RBFOX1: variants seen among roughly 807,000 people sequenced by gnomAD.
RBFOX1 encodes RNA binding protein fox-1 homolog 1.
In RBFOX1, 8 loss-of-function variants were observed where a neutral mutation model predicts 57.7. The ratio of observed to expected loss-of-function variants is 0.14; its 90% CI spans 0.08 to 0.25. RBFOX1 has a LOEUF of 0.25. RBFOX1 is among the 10% of genes least tolerant of loss of function. The probability of loss-of-function intolerance (pLI) is 1.00; values close to 1 mark genes in which losing one functional copy is unlikely to be tolerated. For synonymous variants in RBFOX1, 326 were observed against 222.4 expected, an observed-to-expected ratio of 1.47 and a Z score of -4.15; for missense variants, 611 against 548.5, an observed-to-expected ratio of 1.11 and a Z score of -1.14.
chr16:7,262,460 A>G (rs761134365), intron 4 of RBFOX1, among the ~76,000 whole-genome samples: 12 of 152,256 alleles, frequency 7.9e-5, no homozygotes, highest in Admixed American at 2.0e-4. Context: ...ATATATGTCT[A>G]TAGATGTGGA....
intron 2 of RBFOX1, among the ~76,000 whole-genome samples, chr16:6,479,480 C>T (rs1488839823): frequency 2.0e-5 from 3 of 151,862 alleles, no homozygotes; most frequent in African/African-American, 4.8e-5. Flanking sequence ...CCCAGCTACT[C>T]GGGAGGCTGA....
intron 2 of RBFOX1, among the ~76,000 whole-genome samples, chr16:5,545,950 G>T (rs187313974): frequency 8.6e-5 from 13 of 151,512 alleles, no homozygotes; most frequent in Admixed American, 5.9e-4. Context: ...CTTTTTTTTT[G>T]CTGAACAACT....
chr16:5,661,400 T>C (rs2109002), intron 3 of RBFOX1, among the ~76,000 whole-genome samples: 19,991 of 152,234 alleles, frequency 0.13, 1,954 homozygotes, highest in East Asian at 0.46. Flanking sequence ...GTAAGTTGTA[T>C]GTATCCACTG....
intron 3 of RBFOX1, among the ~76,000 whole-genome samples, chr16:6,750,853 C>T (rs1414923651): frequency 6.6e-6 from 1 of 152,058 alleles, no homozygotes; most frequent in African/African-American, 2.4e-5. Flanking sequence ...GATGATGAAA[C>T]CAGGAAGCTG....
intron 4 of RBFOX1, among the ~76,000 whole-genome samples, chr16:7,227,876 A>C (rs2093248132): frequency 6.6e-6 from 1 of 152,166 alleles, no homozygotes; most frequent in Admixed American, 6.5e-5. Context: ...TCCTTGCTTT[A>C]ATGATATTAG....
At chr16:6,018,475 G>A (rs2095013720), upstream of RBFOX1, among the ~76,000 whole-genome samples, 1 of 152,194 alleles carries the variant, frequency 6.6e-6, no homozygotes, top group African/African-American at 2.4e-5. Context: ...TCTGCTAGGA[G>A]GACAATCCCT....
At chr16:7,320,971 C>T (rs948558756) in intron 4 of RBFOX1, among the ~76,000 whole-genome samples, 1 of 152,122 alleles carries the variant, frequency 6.6e-6, no homozygotes, top group Non-Finnish European at 1.5e-5. Flanking sequence ...GCTTCAATAG[C>T]TGAGTTCCTG....
At chr16:7,034,819 T>A (rs1010345732) in intron 3 of RBFOX1, among the ~76,000 whole-genome samples, 3 of 142,186 alleles carry the variant, frequency 2.1e-5, no homozygotes, top group Non-Finnish European at 3.0e-5. Flanking sequence ...GTCTAAGATA[T>A]TGCATTACTT....
At chr16:6,130,596 A>C (rs1308815025) in intron 1 of RBFOX1, among the ~76,000 whole-genome samples, 1 of 152,174 alleles carries the variant, frequency 6.6e-6, no homozygotes, top group Non-Finnish European at 1.5e-5. Flanking sequence ...AGACTATAAT[A>C]AAAAGCAAGA....
intron 1 of RBFOX1, among the ~76,000 whole-genome samples, chr16:5,385,193 C>T (rs940175742): frequency 2.0e-5 from 3 of 152,222 alleles, no homozygotes; most frequent in African/African-American, 4.8e-5. Flanking sequence ...CTCACCACCA[C>T]CCTGCAGGGT....
Position 5,707,703 on chromosome 16 carries a change from T to C in RBFOX1, c.318+108742T>C, listed in dbSNP as rs148869256. Among the ~76,000 whole-genome samples, 8 of 152,340 alleles carry C rather than the reference T, an allele frequency of 5.3e-5. No homozygotes were observed. The East Asian group carries it at 1.4e-3, about 26-fold the overall frequency. On this transcript the variant is annotated intron_variant, in intron 3 of 19. Transcript: ENST00000641259. ...AAACCTTAACTTCTATGAGCAGGAA[T>C]AGCCTCATCTGTTAAATAGGAATGA...
chr16:6,065,535 T>G (rs558933790), intron 1 of RBFOX1, among the ~76,000 whole-genome samples: 1 of 152,308 alleles, frequency 6.6e-6, no homozygotes, highest in South Asian at 2.1e-4. Flanking sequence ...CCTAATTAAT[T>G]ACTTTGACAT....
intron 4 of RBFOX1, among the ~76,000 whole-genome samples, chr16:5,896,555 C>T (rs1230137514): frequency 1.3e-5 from 2 of 152,172 alleles, no homozygotes; most frequent in African/African-American, 4.8e-5. Context: ...ATGCTGGTGC[C>T]ATGCTTCTTG....
intron 3 of RBFOX1, among the ~76,000 whole-genome samples, chr16:7,042,447 G>A (rs566536440): frequency 1.3e-5 from 2 of 152,274 alleles, no homozygotes; most frequent in Middle Eastern, 3.4e-3. Flanking sequence ...CTCACTCTGT[G>A]CCTCAGTTTT....
intron 3 of RBFOX1, among the ~76,000 whole-genome samples, chr16:6,891,895 C>G (rs1050660115): frequency 3.9e-5 from 6 of 152,268 alleles, no homozygotes; most frequent in African/African-American, 1.4e-4. Context: ...ACAATCCCTG[C>G]TCATTCTTTT....
At chr16:5,978,250 G>A (rs960651177) in intron 4 of RBFOX1, among the ~76,000 whole-genome samples, 9 of 150,930 alleles carry the variant, frequency 6.0e-5, no homozygotes, top group African/African-American at 1.9e-4. Flanking sequence ...GGAATTGGAG[G>A]CTGCAGTGAG....
At chr16:6,346,525 G>A (rs902882590) in intron 2 of RBFOX1, among the ~76,000 whole-genome samples, 1 of 152,132 alleles carries the variant, frequency 6.6e-6, no homozygotes, top group African/African-American at 2.4e-5. Context: ...ACTAATCAAG[G>A]TGCTTCCCTA....
intron 3 of RBFOX1, chr16:5,838,554 G>T: frequency 6.3e-6 from 1 of 159,658 alleles, no homozygotes; most frequent in Non-Finnish European, 1.4e-5. Flanking sequence ...TTGGCTGCCC[G>T]TCCTCTTTGG....
intron 14 of RBFOX1, among the ~76,000 whole-genome samples, chr16:7,688,256 TGTGTGAGAGA>T (rs1470323772): frequency 1.6e-5 from 2 of 123,262 alleles, no homozygotes; most frequent in Admixed American, 8.3e-5. Flanking sequence ...TGTGTGTGTG[TGTGTGAGAGA>T]GAGAGAGAGA....
Sources: allele counts gnomAD v4.1 joint callset (sites outside exome capture counted in the v4.1 genomes callset), GRCh38; gene constraint gnomAD v4.1.1; transcripts MANE v1.5; gene names NCBI Gene and HGNC (gene_info 2026-07-23, HGNC 2026-07-21).